The following SLC44A5 variants were observed in gnomAD, a reference collection of about 807,000 sequenced individuals.
SLC44A5 encodes solute carrier family 44 member 5, also known as choline transporter-like protein 5.
A neutral mutation model predicts 101.8 loss-of-function variants in SLC44A5; 57 were observed. The ratio of observed to expected loss-of-function variants is 0.56; its 90% CI spans 0.45 to 0.70. SLC44A5 has a LOEUF of 0.70. Ranked by LOEUF, SLC44A5 falls within the 30% of genes least tolerant of loss-of-function variation. The probability of loss-of-function intolerance (pLI) is 0.00; values close to 1 mark genes in which losing one functional copy is unlikely to be tolerated. For missense variants in SLC44A5, 737 were observed against 853.1 expected (o/e 0.86, Z 1.70); for synonymous variants, 281 against 290.9 (o/e 0.97, Z 0.35).
At chr1:75,498,155 A>G (rs1668772942) in intron 2 of SLC44A5, among the ~76,000 whole-genome samples, 1 of 152,192 alleles carries the variant, frequency 6.6e-6, no homozygotes, top group Non-Finnish European at 1.5e-5. Context: ...TATTTCTGAC[A>G]GTATATTACA....
chr1:75,445,278 C>T (rs975419822), intron 2 of SLC44A5, among the ~76,000 whole-genome samples: 21 of 152,110 alleles, frequency 1.4e-4, no homozygotes, highest in Admixed American at 6.6e-4. Flanking sequence ...CTTCTCTTGC[C>T]ATGTGACACG....
At chr1:75,585,220 T>C (rs2102083549) in intron 1 of SLC44A5, among the ~76,000 whole-genome samples, 1 of 152,338 alleles carries the variant, frequency 6.6e-6, no homozygotes, top group South Asian at 2.1e-4. Context: ...TAAATATTAG[T>C]TTTCTCTCTC....
At position 75,406,863 on chromosome 1, in the gene SLC44A5, A is replaced by G. The variant is rs567851832; in HGVS notation, c.14-10242T>C. ...AGTATTAGAAGTTCTGGCCAGGGCA[A>G]TCAGGCAAGAGAAAGAAATAAAGGG... is the stretch of plus-strand genomic sequence containing the variant. On this transcript the variant is annotated intron_variant, in intron 2 of 23. Coordinates refer to ENST00000370859, the MANE Select transcript of SLC44A5 (RefSeq NM_001130058.2). 4.0e-5 allele frequency among the ~76,000 whole-genome samples: 6 copies of G among 149,066 alleles called. No homozygotes were observed. In the South Asian group the frequency reaches 1.3e-3, roughly 32 times the overall value.
At chr1:75,414,601 TA>T (rs1288593561) in intron 2 of SLC44A5, among the ~76,000 whole-genome samples, 1 of 152,100 alleles carries the variant, frequency 6.6e-6, no homozygotes, top group Non-Finnish European at 1.5e-5. Flanking sequence ...AAAGAGGCTT[TA>T]AGTGCTATAA....
At chr1:75,282,725 G>C (rs655303) in intron 5 of SLC44A5, among the ~76,000 whole-genome samples, 104,609 of 152,002 alleles carry the variant, frequency 0.69, 36,776 homozygotes, top group East Asian at 0.96. Flanking sequence ...GGTTTTATAA[G>C]GGGCTTTTCC....
At chr1:75,682,844 G>A in the SLC44A5 span, among the ~76,000 whole-genome samples, 1,007 of 152,064 alleles carry the variant, frequency 6.6e-3, 15 homozygotes, top group Admixed American at 0.036. Context: ...GAAAATTTTC[G>A]CAACCTACTC....
At chr1:75,370,812 A>C (rs948990173) in intron 3 of SLC44A5, among the ~76,000 whole-genome samples, 16 of 152,206 alleles carry the variant, frequency 1.1e-4, no homozygotes, top group Non-Finnish European at 2.4e-4. Flanking sequence ...GCAACAGGAG[A>C]AAAATGTAAT....
the SLC44A5 span, chr1:75,710,332 G>A: frequency 6.6e-6 from 1 of 152,222 alleles, no homozygotes; most frequent in Non-Finnish European, 1.5e-5. Context: ...GAGGCAGGAA[G>A]ACTGCTTGAA....
In SLC44A5 at chr1:75,403,143, T is replaced by C. The variant is rs183936993; in HGVS notation, c.14-6522A>G. On this transcript the variant is annotated intron_variant, in intron 2 of 23. Transcript: ENST00000370859. ...AGACACTGTAGCCAGACTGCCTCTC[T>C]AGATTCCAACTCTCTGGGCAGGGCA... is the stretch of plus-strand genomic sequence containing the variant. Among the ~76,000 whole-genome samples the C allele has an allele frequency of 2.7e-3, 410 of 152,286 alleles. 2 individuals carry two copies. The highest frequency in any genetic ancestry group is 4.8e-3 in the Non-Finnish European group (325 of 68,018).
chr1:75,529,163 A>G (rs567695040), intron 2 of SLC44A5, among the ~76,000 whole-genome samples: 9 of 152,306 alleles, frequency 5.9e-5, no homozygotes, highest in African/African-American at 2.2e-4. Flanking sequence ...GCTTTGTTGG[A>G]TGGATGTCGT....
intron 2 of SLC44A5, among the ~76,000 whole-genome samples, chr1:75,538,525 A>G (rs1325281529): frequency 6.6e-6 from 1 of 152,234 alleles, no homozygotes; most frequent in East Asian, 1.9e-4. Context: ...GATAAGGCAT[A>G]GCATTTATTG....
chr1:75,365,996 AT>A (rs1659833018), intron 3 of SLC44A5, among the ~76,000 whole-genome samples: 1 of 152,326 alleles, frequency 6.6e-6, no homozygotes, highest in East Asian at 1.9e-4. Context: ...AGATATAACT[AT>A]TCTTTCACAA....
intron 2 of SLC44A5, among the ~76,000 whole-genome samples, chr1:75,474,967 C>T (rs989134362): frequency 3.3e-5 from 5 of 152,246 alleles, no homozygotes; most frequent in African/African-American, 1.2e-4. Flanking sequence ...AGAGCAGCAA[C>T]AATTCAACTG....
chr1:75,509,859 T>A (rs1340447340), intron 2 of SLC44A5, among the ~76,000 whole-genome samples: 1 of 152,160 alleles, frequency 6.6e-6, no homozygotes, highest in Non-Finnish European at 1.5e-5. Flanking sequence ...CTATGTGTAG[T>A]AGTCTGTTCT....
rs181730689 is a variant in SLC44A5 at position 75,406,770 on chromosome 1, C to T, written c.14-10149G>A. On this transcript the variant is annotated intron_variant, in intron 2 of 23. Coordinates refer to ENST00000370859, the MANE Select transcript of SLC44A5 (RefSeq NM_001130058.2). ...CAATATCATACTGAATGGGCAAAAG[C>T]TGGAAGCATTCCCTTTGAAAACCAG... Among the ~76,000 whole-genome samples, 9 of 152,262 alleles carry T rather than the reference C, an allele frequency of 5.9e-5. No homozygotes were observed. In the East Asian group the frequency reaches 1.7e-3, roughly 29 times the overall value.
At chr1:75,275,119 C>T (rs1651817431) in intron 5 of SLC44A5, 77 bp from the exon 6 acceptor site, 2 of 1,024,464 alleles carry the variant, frequency 2.0e-6, no homozygotes, top group African/African-American at 1.6e-5. Flanking sequence ...TATTAGAATG[C>T]ACCACTGCAA....
intron 1 of SLC44A5, among the ~76,000 whole-genome samples, chr1:75,547,260 C>T (rs1339199692): frequency 6.6e-6 from 1 of 152,114 alleles, no homozygotes; most frequent in Non-Finnish European, 1.5e-5. Flanking sequence ...CAATAGCCAA[C>T]ACCATAGCCA....
At chr1:75,360,945 A>C (rs1659446123) in intron 3 of SLC44A5, among the ~76,000 whole-genome samples, 2 of 152,166 alleles carry the variant, frequency 1.3e-5, no homozygotes, top group Non-Finnish European at 2.9e-5. Context: ...CATGAACACA[A>C]GATATCTTTC....
At chr1:75,246,588 T>C (rs902222664) in intron 7 of SLC44A5, among the ~76,000 whole-genome samples, 7 of 151,926 alleles carry the variant, frequency 4.6e-5, no homozygotes, top group African/African-American at 1.7e-4. Context: ...TGTCATAAGA[T>C]GGTAATAAAT....
Sources: gnomAD v4.1 joint callset for allele counts (sites outside exome capture counted in the v4.1 genomes callset) on GRCh38, gnomAD v4.1.1 for gene constraint, MANE v1.5 for transcripts, NCBI Gene and HGNC (gene_info 2026-07-23, HGNC 2026-07-21) for gene names.